The following RNF34 variants were observed in gnomAD, a reference collection of about 807,000 sequenced individuals.
RNF34 encodes the protein ring finger protein 34, also known as E3 ubiquitin-protein ligase RNF34.
Under a neutral mutation model 37.9 loss-of-function variants are expected in RNF34, and 12 were observed. The ratio of observed to expected loss-of-function variants is 0.32; its 90% CI spans 0.20 to 0.51. The LOEUF is 0.51. RNF34 is among the 20% of genes least tolerant of loss of function. The pLI, the probability that RNF34 is intolerant of heterozygous loss-of-function variation, is 0.97. For synonymous variants in RNF34, 155 were observed against 177.2 expected (o/e 0.87, Z 1.00); for missense variants, 362 against 472.7 (o/e 0.77, Z 2.17).
Position 121,400,158 on chromosome 12 carries a change from C to T in RNF34, c.-55C>T, listed in dbSNP as rs371429893. Reference sequence around the variant, plus strand: ...GGAAGGAGGTCGGCAGTGTGAGGAGCTGCTATGGTGCTGAGTTTCCTGGTA... The same window carrying T: ...GGAAGGAGGTCGGCAGTGTGAGGAGTTGCTATGGTGCTGAGTTTCCTGGTA... On this transcript the variant is annotated 5_prime_UTR_variant, in exon 1 of 6. Coordinates refer to ENST00000361234, the MANE Select transcript of RNF34 (RefSeq NM_025126.4). 128 of 1,596,476 alleles carry T rather than the reference C, an allele frequency of 8.0e-5. No individual in the cohort carries two copies. The highest frequency in any genetic ancestry group is 1.1e-4 in the Non-Finnish European group (125 of 1,174,348).
At chr12:121,422,464 A>G (rs1429881464) in intron 5 of RNF34, among the ~76,000 whole-genome samples, 1 of 152,228 alleles carries the variant, frequency 6.6e-6, no homozygotes, top group Non-Finnish European at 1.5e-5. Context: ...CTCCATTGGC[A>G]TATCTGCCAT....
chr12:121,419,986 G>C, intron 3 of RNF34: 1 of 369,978 alleles, frequency 2.7e-6, no homozygotes, highest in Admixed American at 3.7e-5. Context: ...CTTCCTGAGA[G>C]AGTTAATACT....
At chr12:121,414,712 G>A (rs1157970630) in intron 1 of RNF34, among the ~76,000 whole-genome samples, 3 of 151,874 alleles carry the variant, frequency 2.0e-5, no homozygotes, top group African/African-American at 4.8e-5. Context: ...TCGCTCTGTC[G>A]CCCAGCCTGG....
At chr12:121,414,942 A>G (rs1264032913) in intron 1 of RNF34, among the ~76,000 whole-genome samples, 1 of 152,302 alleles carries the variant, frequency 6.6e-6, no homozygotes, top group East Asian at 1.9e-4. Context: ...CAAAACTACA[A>G]AAAATTAGCT....
rs889150116 is a variant in RNF34 at position 121,418,167 on chromosome 12, C to T, written c.633+256C>T. The T allele has an allele frequency of 4.4e-5, 21 of 474,314 alleles. 1 individual carries two copies. The South Asian group carries it at 5.7e-4, about 13-fold the overall frequency. The allele number at this position is 474,314 out of a possible 1,614,324, so 29.4% of individuals were successfully genotyped here. ...AGTCTCTTGGCCTTAGTTAATTTCT[C>T]TGTCTTACACAGTTAGACACTAACT... On this transcript the variant is annotated intron_variant, in intron 3 of 5. Coordinates refer to ENST00000361234, the MANE Select transcript of RNF34 (RefSeq NM_025126.4).
intron 1 of RNF34, among the ~76,000 whole-genome samples, chr12:121,400,832 G>C (rs952993788): frequency 2.0e-5 from 3 of 152,210 alleles, no homozygotes; most frequent in Non-Finnish European, 4.4e-5. Flanking sequence ...AGTTCTCCAA[G>C]GTGGGAGTGA....
intron 1 of RNF34, among the ~76,000 whole-genome samples, chr12:121,415,572 C>T (rs1021104571): frequency 9.2e-5 from 14 of 152,012 alleles, no homozygotes; most frequent in African/African-American, 3.1e-4. Flanking sequence ...GCCGAGATTG[C>T]GCCACTGTAC....
Position 121,416,316 on chromosome 12 carries a change from C to A in RNF34, c.164C>A (p.Thr55Lys), listed in dbSNP as rs61760895. ...TTTTCCACCTACCCACCAGCAGCTA[C>A]GGAAGGGCCCAACATAGTTTGTAAA... The part of the protein sequence containing the change: ...PEFSTYPPAA[T>K]EGPNIVCKAC... Residue 55 changes from threonine to lysine, a missense_variant, in exon 2 of 6, where the codon ACG (threonine) becomes AAG (lysine). Physicochemically the swap from Thr to Lys is moderately conservative, Grantham distance 78 (BLOSUM62 -1). Transcript: ENST00000361234. The A allele has an allele frequency of 8.1e-6, 13 of 1,613,976 alleles. No individual in the cohort carries two copies. The highest frequency in any genetic ancestry group is 1.0e-5 in the Non-Finnish European group (12 of 1,179,998).
intron 5 of RNF34, among the ~76,000 whole-genome samples, chr12:121,422,577 C>T (rs1406123558): frequency 2.6e-5 from 4 of 152,212 alleles, no homozygotes; most frequent in African/African-American, 9.6e-5. Flanking sequence ...GGCAGTAAAA[C>T]ATTTCTCTTA....
chr12:121,408,816 G>T (rs1242763989), intron 1 of RNF34, among the ~76,000 whole-genome samples: 1 of 152,164 alleles, frequency 6.6e-6, no homozygotes, highest in Non-Finnish European at 1.5e-5. Flanking sequence ...AAGAAAACGT[G>T]CAGAGGAGTT....
rs201929209 is a variant in RNF34, at chr12:121,416,185, G to A, written c.33G>A (p.Ser11=). 16 of 1,613,944 alleles carry A rather than the reference G, an allele frequency of 9.9e-6. No individual in the cohort carries two copies. The highest frequency in any genetic ancestry group is 1.6e-4 in the Middle Eastern group (1 of 6,074). Residue 11 remains serine (S), a synonymous_variant, in exon 2 of 6, where the codon TCG becomes TCA. Coordinates refer to ENST00000361234, the MANE Select transcript of RNF34 (RefSeq NM_025126.4). ...CGGGTGCCACGTCTATGTGGGCTTCGTGCTGTGGGCTGCTGAATGAAGTCA... is the reference window on the plus strand; with the variant it reads ...CGGGTGCCACGTCTATGTGGGCTTCATGCTGTGGGCTGCTGAATGAAGTCA... The part of the protein sequence containing the change: MKAGATSMWA[S]CCGLLNEVMG...
chr12:121,406,020 C>T (rs1027597685), intron 1 of RNF34, among the ~76,000 whole-genome samples: 1 of 151,000 alleles, frequency 6.6e-6, no homozygotes, highest in African/African-American at 2.4e-5. Flanking sequence ...GTCTCGATCT[C>T]CTGACCTTGT....
intron 1 of RNF34, among the ~76,000 whole-genome samples, chr12:121,401,839 T>G (rs781918832): frequency 6.6e-6 from 1 of 152,196 alleles, no homozygotes; most frequent in Non-Finnish European, 1.5e-5. Context: ...ATTGAAATTA[T>G]AGAAAAGATA....
At chr12:121,413,312 C>T (rs1871266824) in intron 1 of RNF34, among the ~76,000 whole-genome samples, 1 of 152,208 alleles carries the variant, frequency 6.6e-6, no homozygotes, top group Admixed American at 6.5e-5. Context: ...CAGGCATAAG[C>T]CACTGAGCCT....
chr12:121,414,913 G>A (rs1430182144), intron 1 of RNF34, among the ~76,000 whole-genome samples: 2 of 152,210 alleles, frequency 1.3e-5, no homozygotes, highest in Non-Finnish European at 2.9e-5. Flanking sequence ...TGGTCAACAT[G>A]GTGAAACCCT....
At chr12:121,401,251 A>G (rs1869963364) in intron 1 of RNF34, among the ~76,000 whole-genome samples, 1 of 151,906 alleles carries the variant, frequency 6.6e-6, no homozygotes. Context: ...TGGTGAAGAG[A>G]AGTAATTCAA....
intron 1 of RNF34, among the ~76,000 whole-genome samples, chr12:121,401,471 T>C (rs1287788743): frequency 6.6e-6 from 1 of 151,768 alleles, no homozygotes; most frequent in African/African-American, 2.4e-5. Flanking sequence ...TGCCTTGAAG[T>C]ATGAGGATAT....
chr12:121,421,164 T>C (rs1872092590), intron 5 of RNF34, among the ~76,000 whole-genome samples: 1 of 152,056 alleles, frequency 6.6e-6, no homozygotes, highest in Non-Finnish European at 1.5e-5. Context: ...GAAAATTCCC[T>C]ATAGCCCAGA....
chr12:121,404,346 C>G (rs569279560), intron 1 of RNF34, among the ~76,000 whole-genome samples: 2 of 148,346 alleles, frequency 1.3e-5, no homozygotes, highest in Non-Finnish European at 3.0e-5. Context: ...TCTTTTCCCA[C>G]TCTCCCCCTA....
Sources: allele counts gnomAD v4.1 joint callset (sites outside exome capture counted in the v4.1 genomes callset), GRCh38; gene constraint gnomAD v4.1.1; transcripts MANE v1.5; gene names NCBI Gene and HGNC (gene_info 2026-07-23, HGNC 2026-07-21).